ADGRV1: variants seen among roughly 807,000 people sequenced by gnomAD.
The protein encoded by ADGRV1 is G-protein coupled receptor 98.
A neutral mutation model predicts 596.2 loss-of-function variants in ADGRV1; 359 were observed. The ratio of observed to expected loss-of-function variants is 0.60; its 90% CI spans 0.55 to 0.66. ADGRV1 has a LOEUF of 0.66. Among genes scored for constraint, ADGRV1 ranks in the 30% least tolerant of loss-of-function variants. ADGRV1 has a pLI of 0.00. For missense variants in ADGRV1, 7,274 were observed against 7,575.6 expected, an observed-to-expected ratio of 0.96 and a Z score of 1.48; for synonymous variants, 2,681 against 2,679.2, an observed-to-expected ratio of 1.00 and a Z score of -0.02.
At chr5:91,035,861 T>TAATATATATATATATATATATATATAATA in intron 85 of ADGRV1, among the ~76,000 whole-genome samples, 1 of 96,402 alleles carries the variant, frequency 1.0e-5, no homozygotes, top group African/African-American at 3.8e-5. Flanking sequence ...TATATATATA[T>TAATATATATATATATATATATATATAATA]TATATATATA....
chr5:91,007,503 A>G (rs1782375172), intron 85 of ADGRV1, among the ~76,000 whole-genome samples: 1 of 152,092 alleles, frequency 6.6e-6, no homozygotes, highest in Admixed American at 6.6e-5. Flanking sequence ...TTGAAAGGTT[A>G]CTGGTGAATC....
At chr5:90,943,105 T>G (rs1012324268) in intron 83 of ADGRV1, among the ~76,000 whole-genome samples, 2 of 152,132 alleles carry the variant, frequency 1.3e-5, no homozygotes, top group African/African-American at 4.8e-5. Flanking sequence ...ATTGTAGTTC[T>G]TTAAAGCTGG....
rs1217468298 is a variant in ADGRV1 at position 91,163,400 on chromosome 5, A to C, written c.18803-382A>C. Among the ~76,000 whole-genome samples, 3 of 152,280 alleles carry C rather than the reference A, an allele frequency of 2.0e-5. No individual in the cohort carries two copies. The East Asian group carries it at 5.8e-4, about 29-fold the overall frequency. ...CAGTGCATATGAATTCGGGGCCTAT[A>C]TGTTTTGTAACAGCAAATCCTACCC... is the stretch of plus-strand genomic sequence containing the variant. On this transcript the variant is annotated intron_variant, in intron 89 of 89. Transcript: ENST00000405460.
At chr5:90,664,505 G>A (rs1475294202) in intron 21 of ADGRV1, among the ~76,000 whole-genome samples, 2 of 146,618 alleles carry the variant, frequency 1.4e-5, no homozygotes, top group Non-Finnish European at 3.0e-5. Flanking sequence ...AGCTTAAGGA[G>A]ATTTTGGGCT....
At chr5:90,859,633 C>T (rs1767354352) in intron 82 of ADGRV1, among the ~76,000 whole-genome samples, 1 of 151,932 alleles carries the variant, frequency 6.6e-6, no homozygotes, top group African/African-American at 2.4e-5. Flanking sequence ...TCTTTCTTGC[C>T]TTCACTTAGG....
intron 84 of ADGRV1, among the ~76,000 whole-genome samples, chr5:90,970,099 T>C (rs1466845485): frequency 6.6e-6 from 1 of 152,110 alleles, no homozygotes; most frequent in Non-Finnish European, 1.5e-5. Context: ...GCTCGGAGGG[T>C]CCCACGCCCA....
Position 90,802,880 on chromosome 5 carries a change from C to G in ADGRV1, c.14659C>G (p.Gln4887Glu). The change falls in exon 71 of 90, where the codon CAG (glutamine) becomes GAG (glutamate). Residue 4887 changes from glutamine (Q) to glutamate (E), a missense_variant and splice_region_variant. This residue lies in a region of ADGRV1 where 1,874 missense variants were observed against 1,970.2 expected (regional missense o/e 0.95). Coordinates refer to ENST00000405460, the MANE Select transcript of ADGRV1 (RefSeq NM_032119.4). ...AGTCTCTGAGAAAGCTGCCAATTCT[C>G]AGGTAATTGGCCCTGTGTGTGGTTC... is the stretch of plus-strand genomic sequence containing the variant. ...LPVSEKAANS[Q>E]VGFESTAFQL... 6.2e-7 allele frequency: 1 copy of G among 1,602,036 alleles called. No homozygotes were observed. Among genetic ancestry groups the G allele is most frequent in the Non-Finnish European group, 8.5e-7 (1 of 1,173,964 alleles).
At chr5:91,145,988 A>G (rs1001998507) in intron 87 of ADGRV1, among the ~76,000 whole-genome samples, 2 of 152,136 alleles carry the variant, frequency 1.3e-5, no homozygotes, top group Admixed American at 1.3e-4. Flanking sequence ...AACAGAGGTA[A>G]GTTTCAGGCC....
chr5:90,914,012 G>C, intron 83 of ADGRV1, among the ~76,000 whole-genome samples: 1 of 152,076 alleles, frequency 6.6e-6, no homozygotes, highest in East Asian at 1.9e-4. Flanking sequence ...TTGAACCCTT[G>C]GTTTAACATA....
rs183465283 is a variant in ADGRV1 at position 91,136,075 on chromosome 5, G to T, written c.18433-13955G>T. 3.3e-5 allele frequency among the ~76,000 whole-genome samples: 5 copies of T among 152,220 alleles called. No homozygotes were observed. The East Asian group carries it at 5.8e-4, about 18-fold the overall frequency. On this transcript the variant is annotated intron_variant, in intron 87 of 89. Transcript: ENST00000405460. ...CTTGGAGTGGGGAATCTGAGGCAGCGGGTGGCCTTGTTCAGTATGCCTGTA... is the reference window on the plus strand; with the variant it reads ...CTTGGAGTGGGGAATCTGAGGCAGCTGGTGGCCTTGTTCAGTATGCCTGTA...
At chr5:91,050,866 A>T (rs929796885) in intron 85 of ADGRV1, among the ~76,000 whole-genome samples, 4 of 152,196 alleles carry the variant, frequency 2.6e-5, no homozygotes, top group African/African-American at 9.7e-5. Flanking sequence ...CTTGAAAAAT[A>T]AAATTAAATA....
intron 11 of ADGRV1, among the ~76,000 whole-genome samples, chr5:90,639,401 A>G (rs1186120421): frequency 6.6e-6 from 1 of 152,162 alleles, no homozygotes; most frequent in Non-Finnish European, 1.5e-5. Flanking sequence ...TTAAAGAATG[A>G]TTTACACTAT....
rs1755902233 is a variant in ADGRV1, at chr5:90,757,015, C to T, written c.11794C>T (p.Pro3932Ser). Residue 3932 changes from proline (P) to serine (S), a missense_variant, in exon 57 of 90, where the codon CCA becomes TCA. Pro to Ser is a moderately conservative substitution (Grantham distance 74). This residue lies in a region of ADGRV1 where 3,643 missense variants were observed against 3,809.2 expected (regional missense o/e 0.96). Coordinates refer to ENST00000405460, the MANE Select transcript of ADGRV1 (RefSeq NM_032119.4). ...GEVITAYEVP[P>S]PLNVLQVPVV... Reference sequence around the variant, plus strand: ...AGTTATTACTGCCTATGAGGTGCCTCCACCCTTGAACGTTCTTCAAGTTCC... The same window carrying T: ...AGTTATTACTGCCTATGAGGTGCCTTCACCCTTGAACGTTCTTCAAGTTCC... The T allele has an allele frequency of 6.2e-7, 1 of 1,613,282 alleles. No individual in the cohort carries two copies. Among genetic ancestry groups the T allele is most frequent in the Non-Finnish European group, 8.5e-7 (1 of 1,179,516 alleles).
chr5:90,927,349 T>G (rs1286022482), intron 83 of ADGRV1, among the ~76,000 whole-genome samples: 1 of 152,070 alleles, frequency 6.6e-6, no homozygotes, highest in Admixed American at 6.5e-5. Context: ...TTAGGATAGT[T>G]AGCTCTTGTT....
intron 74 of ADGRV1, among the ~76,000 whole-genome samples, chr5:90,812,102 T>TA (rs1305073080): frequency 1.3e-5 from 2 of 151,918 alleles, no homozygotes; most frequent in Non-Finnish European, 2.9e-5. Flanking sequence ...TAATTTTTTT[T>TA]ATTTTTAGTA....
chr5:90,595,968 G>T (rs1243376903), intron 1 of ADGRV1, among the ~76,000 whole-genome samples: 1 of 151,234 alleles, frequency 6.6e-6, no homozygotes, highest in Non-Finnish European at 1.5e-5. Context: ...TGGCTGCCGG[G>T]CGGAGAGGCT....
intron 50 of ADGRV1, among the ~76,000 whole-genome samples, chr5:90,744,107 G>C (rs773131567): frequency 1.3e-4 from 20 of 152,094 alleles, no homozygotes; most frequent in Non-Finnish European, 2.8e-4. Flanking sequence ...TGCCACCTCA[G>C]CTTCCCAGGC....
intron 83 of ADGRV1, among the ~76,000 whole-genome samples, chr5:90,884,142 G>A (rs1770056338): frequency 6.6e-6 from 1 of 152,126 alleles, no homozygotes; most frequent in African/African-American, 2.4e-5. Context: ...TGACATTTGG[G>A]ACCAGATAAT....
At chr5:90,560,112 G>A (rs1754617792) in intron 1 of ADGRV1, among the ~76,000 whole-genome samples, 2 of 152,100 alleles carry the variant, frequency 1.3e-5, no homozygotes, top group African/African-American at 2.4e-5. Context: ...TTCTGGCTCT[G>A]CCATTAACAC....
Sources: allele counts gnomAD v4.1 joint callset (sites outside exome capture counted in the v4.1 genomes callset), GRCh38; gene constraint gnomAD v4.1.1; regional missense constraint gnomAD v4.1.1; transcripts MANE v1.5; gene names NCBI Gene and HGNC (gene_info 2026-07-23, HGNC 2026-07-21).